Variants in FAM171A1 observed in about 807,000 individuals in gnomAD.
The protein encoded by FAM171A1 is protein FAM171A1.
In FAM171A1, 23 loss-of-function variants were observed where a neutral mutation model predicts 74.9. The observed-to-expected ratio is 0.31, with a 90% CI of 0.22 to 0.44. FAM171A1 has a LOEUF of 0.44. FAM171A1 is among the 20% of genes least tolerant of loss of function. The probability of loss-of-function intolerance (pLI) is 1.00; values close to 1 mark genes in which losing one functional copy is unlikely to be tolerated. For missense variants in FAM171A1, 1,162 were observed against 1,159.2 expected, an observed-to-expected ratio of 1.00 and a Z score of -0.03; for synonymous variants, 527 against 505.7, an observed-to-expected ratio of 1.04 and a Z score of -0.57.
At chr10:15,270,848 A>G (rs946716995) in intron 3 of FAM171A1, among the ~76,000 whole-genome samples, 10 of 152,242 alleles carry the variant, frequency 6.6e-5, no homozygotes, top group African/African-American at 2.4e-4. Context: ...ACAAACAGAA[A>G]GGACATCCAC....
chr10:15,287,415 G>A (rs1835050793), intron 1 of FAM171A1, among the ~76,000 whole-genome samples: 1 of 133,874 alleles, frequency 7.5e-6, no homozygotes, highest in South Asian at 2.5e-4. Context: ...TTTAGACAGA[G>A]TTTCGCTCTG....
chr10:15,322,675 A>T (rs1011791131), intron 1 of FAM171A1, among the ~76,000 whole-genome samples: 3 of 152,248 alleles, frequency 2.0e-5, no homozygotes, highest in African/African-American at 7.2e-5. Context: ...GAAGCTGTCC[A>T]CCAAGTAGCC....
chr10:15,284,128 G>T, intron 1 of FAM171A1, 23 bp from the exon 2 acceptor site: 2 of 1,604,532 alleles, frequency 1.2e-6, no homozygotes, highest in East Asian at 2.2e-5. Flanking sequence ...AAAGCACAAA[G>T]AACAGCTACT....
intron 1 of FAM171A1, among the ~76,000 whole-genome samples, chr10:15,302,556 C>T (rs547420614): frequency 8.0e-5 from 12 of 150,666 alleles, no homozygotes; most frequent in Admixed American, 5.9e-4. Context: ...CTAGACTGTG[C>T]CACATGGGTC....
At chr10:15,326,980 T>C (rs1564279846) in intron 1 of FAM171A1, among the ~76,000 whole-genome samples, 1 of 152,204 alleles carries the variant, frequency 6.6e-6, no homozygotes, top group Non-Finnish European at 1.5e-5. Flanking sequence ...TTGTGGTTTT[T>C]CATCACCAAA....
intron 1 of FAM171A1, among the ~76,000 whole-genome samples, chr10:15,315,354 G>A (rs573764845): frequency 1.8e-4 from 27 of 152,264 alleles, no homozygotes; most frequent in African/African-American, 6.0e-4. Context: ...CGAAAACACC[G>A]TACTTTGAGT....
At chr10:15,270,657 G>T (rs935797393) in intron 3 of FAM171A1, among the ~76,000 whole-genome samples, 4 of 152,176 alleles carry the variant, frequency 2.6e-5, no homozygotes, top group African/African-American at 9.7e-5. Flanking sequence ...TCATACGGCT[G>T]GGTGCCCCTT....
chr10:15,240,747 G>A (rs867072048), intron 5 of FAM171A1: 1 of 985,022 alleles, frequency 1.0e-6, no homozygotes, highest in African/African-American at 1.7e-5. Flanking sequence ...GTGTTAAAAC[G>A]TGATTTTGAG....
intron 5 of FAM171A1, among the ~76,000 whole-genome samples, chr10:15,230,257 G>A (rs985515964): frequency 5.9e-5 from 9 of 152,118 alleles, no homozygotes; most frequent in Admixed American, 1.3e-4. Context: ...TAAAGTCTAC[G>A]GCTTTGAGTA....
At chr10:15,239,904 T>C (rs1045035055) in intron 5 of FAM171A1, among the ~76,000 whole-genome samples, 2 of 152,232 alleles carry the variant, frequency 1.3e-5, no homozygotes, top group African/African-American at 4.8e-5. Flanking sequence ...ATACTTAATC[T>C]GAAAATCCAA....
At chr10:15,329,782 C>T (rs1835604979) in intron 1 of FAM171A1, among the ~76,000 whole-genome samples, 1 of 152,064 alleles carries the variant, frequency 6.6e-6, no homozygotes, top group South Asian at 2.1e-4. Flanking sequence ...AAAATTGATA[C>T]CATTTGAGAA....
intron 5 of FAM171A1, chr10:15,241,166 C>T (rs895671110): frequency 6.6e-6 from 1 of 152,182 alleles, no homozygotes; most frequent in African/African-American, 2.4e-5. Flanking sequence ...TCTGGCCCTA[C>T]AATGAAGGTG....
At chr10:15,325,215 T>C (rs372322099) in intron 1 of FAM171A1, among the ~76,000 whole-genome samples, 13 of 152,248 alleles carry the variant, frequency 8.5e-5, no homozygotes, top group African/African-American at 3.1e-4. Context: ...TTAAGGACAG[T>C]TGAAGGCCCG....
intron 1 of FAM171A1, among the ~76,000 whole-genome samples, chr10:15,327,353 G>C (rs1464242411): frequency 1.3e-5 from 2 of 152,132 alleles, no homozygotes; most frequent in Non-Finnish European, 2.9e-5. Context: ...ATTTCTATAA[G>C]AATGTCACAA....
intron 5 of FAM171A1, among the ~76,000 whole-genome samples, chr10:15,231,877 G>A (rs1834211299): frequency 1.3e-5 from 2 of 152,064 alleles, no homozygotes; most frequent in African/African-American, 4.8e-5. Context: ...CTGTGCCTAG[G>A]AGTTTAAGAT....
intron 3 of FAM171A1, among the ~76,000 whole-genome samples, chr10:15,260,382 T>C (rs961456436): frequency 5.9e-5 from 9 of 152,146 alleles, no homozygotes; most frequent in Non-Finnish European, 1.2e-4. Context: ...TAGCTCCAGG[T>C]TTAAATCTTT....
chr10:15,348,918 C>T (rs1479460556), intron 1 of FAM171A1, among the ~76,000 whole-genome samples: 2 of 152,118 alleles, frequency 1.3e-5, no homozygotes, highest in African/African-American at 2.4e-5. Flanking sequence ...TCTAAAGCAA[C>T]GGAGCTGTTT....
intron 1 of FAM171A1, among the ~76,000 whole-genome samples, chr10:15,339,843 C>T (rs1371157386): frequency 6.6e-6 from 1 of 152,134 alleles, no homozygotes; most frequent in African/African-American, 2.4e-5. Context: ...TTCCGTGTGG[C>T]TCGGGAGGCC....
At chr10:15,303,787 A>C (rs1009310376) in intron 1 of FAM171A1, among the ~76,000 whole-genome samples, 1 of 152,244 alleles carries the variant, frequency 6.6e-6, no homozygotes, top group Non-Finnish European at 1.5e-5. Flanking sequence ...CAGACCAAGA[A>C]CTGAAGTTAG....
Sources: gnomAD v4.1 joint callset for allele counts (sites outside exome capture counted in the v4.1 genomes callset) on GRCh38, gnomAD v4.1.1 for gene constraint, MANE v1.5 for transcripts, NCBI Gene and HGNC (gene_info 2026-07-23, HGNC 2026-07-21) for gene names.